Variants in ZNF565 observed in about 807,000 individuals in gnomAD.
ZNF565 encodes the protein zinc finger protein 565.
Under a neutral mutation model 39.4 loss-of-function variants are expected in ZNF565, and 27 were observed. That is an observed-to-expected ratio of 0.69 (90% confidence interval 0.51 to 0.95). ZNF565 has a LOEUF of 0.95. Ranked by LOEUF, ZNF565 falls within the 40% of genes least tolerant of loss-of-function variation. ZNF565 has a pLI of 0.00. For synonymous variants in ZNF565, 185 were observed against 216.6 expected, an observed-to-expected ratio of 0.85 and a Z score of 1.28; for missense variants, 524 against 621.1, an observed-to-expected ratio of 0.84 and a Z score of 1.66.
At chr19:36,211,264 G>A (rs1248729790) in intron 1 of ZNF565, among the ~76,000 whole-genome samples, 1 of 151,568 alleles carries the variant, frequency 6.6e-6, no homozygotes, top group East Asian at 2.0e-4. Flanking sequence ...CCAACATGGT[G>A]AAATCCCATC....
At chr19:36,225,470 T>C (rs1356783703) in intron 1 of ZNF565, among the ~76,000 whole-genome samples, 1 of 152,166 alleles carries the variant, frequency 6.6e-6, no homozygotes, top group African/African-American at 2.4e-5. Flanking sequence ...AAGTTCATTT[T>C]GTTATGTTTC....
chr19:36,211,364 AT>A (rs1323737309), intron 1 of ZNF565, among the ~76,000 whole-genome samples: 2 of 151,282 alleles, frequency 1.3e-5, no homozygotes, highest in South Asian at 2.1e-4. Context: ...AATCGCTTGA[AT>A]CCAGGAGGCA....
intron 2 of ZNF565, among the ~76,000 whole-genome samples, chr19:36,196,736 G>A (rs62113108): frequency 6.6e-6 from 1 of 152,204 alleles, no homozygotes; most frequent in South Asian, 2.1e-4. Context: ...CACTTTGGGA[G>A]GCTGAGACGG....
chr19:36,221,382 G>A (rs948134089), intron 1 of ZNF565, among the ~76,000 whole-genome samples: 2 of 138,828 alleles, frequency 1.4e-5, no homozygotes, highest in Non-Finnish European at 3.0e-5. Flanking sequence ...TCCGCCTCCC[G>A]GGTTCACGCC....
intron 4 of ZNF565, among the ~76,000 whole-genome samples, chr19:36,186,842 T>C (rs1179184260): frequency 6.6e-6 from 1 of 151,644 alleles, no homozygotes; most frequent in East Asian, 1.9e-4. Context: ...AAAATCTAGG[T>C]GCACAGTAGT....
intron 1 of ZNF565, among the ~76,000 whole-genome samples, chr19:36,234,345 CAG>C (rs1424129377): frequency 2.1e-5 from 3 of 140,656 alleles, no homozygotes; most frequent in Non-Finnish European, 1.5e-5. Flanking sequence ...GCCTGGGCGA[CAG>C]AGCAAGACTG....
chr19:36,230,169 CAGGGTCAA>C (rs1333826589), intron 1 of ZNF565, among the ~76,000 whole-genome samples: 3 of 152,128 alleles, frequency 2.0e-5, no homozygotes, highest in African/African-American at 7.2e-5. Context: ...AAGTGGAATA[CAGGGTCAA>C]AGTTATGTTT....
chr19:36,183,686 T>C lies in ZNF565; in HGVS notation c.280A>G (p.Ile94Val), dbSNP rs1268585439. The change falls in exon 5 of 5, where the codon ATC (isoleucine) becomes GTC (valine). Residue 94 changes from isoleucine to valine, a missense_variant. Physicochemically the swap from Ile to Val is conservative, Grantham distance 29 (BLOSUM62 3). Transcript: ENST00000304116. ...EKFLQKDIFE[I>V]GAFNWEIMES... ...ATTATCTCCCAGTTGAATGCCCCGA[T>C]TTCAAAAATGTCTTTTTGTAGAAAT... 1 of 1,612,332 alleles carries C rather than the reference T, an allele frequency of 6.2e-7. No homozygotes were observed. Among genetic ancestry groups the C allele is most frequent in the Non-Finnish European group, 8.5e-7 (1 of 1,179,284 alleles).
At chr19:36,236,707 G>A (rs761846974) in intron 1 of ZNF565, 9 of 1,614,148 alleles carry the variant, frequency 5.6e-6, no homozygotes, top group Non-Finnish European at 6.8e-6. Context: ...ACCTCCTTAC[G>A]CACCAGAAAA....
chr19:36,182,498 G>T lies in ZNF565; in HGVS notation c.1468C>A (p.Leu490Ile), dbSNP rs1237210785. The change falls in exon 5 of 5, where the codon CTC (leucine) becomes ATC (isoleucine). Residue 490 changes from leucine (L) to isoleucine (I), a missense_variant. By Grantham distance (5) the Leu-to-Ile change is conservative. Coordinates refer to ENST00000304116, the MANE Select transcript of ZNF565 (RefSeq NM_152477.5). Reference sequence around the variant, plus strand: ...GTATGAATTCTGTAGTGTTCAATGAGTTGTGAGCCAAGAATAAATGCCTGC... The same window carrying T: ...GTATGAATTCTGTAGTGTTCAATGATTTGTGAGCCAAGAATAAATGCCTGC... ...CGQAFILGSQ[L>I]IEHYRIHTG The T allele has an allele frequency of 1.3e-6, 2 of 1,590,360 alleles. No homozygotes were observed. Among genetic ancestry groups the T allele is most frequent in the South Asian group, 2.3e-5 (2 of 85,820 alleles).
At chr19:36,235,381 G>A (rs376219524) in intron 1 of ZNF565, among the ~76,000 whole-genome samples, 11 of 152,084 alleles carry the variant, frequency 7.2e-5, no homozygotes, top group African/African-American at 2.2e-4. Flanking sequence ...TCAGCTTTGT[G>A]GACCCATGAA....
chr19:36,203,914 C>A (rs2145349538), intron 1 of ZNF565, among the ~76,000 whole-genome samples: 1 of 151,484 alleles, frequency 6.6e-6, no homozygotes, highest in Middle Eastern at 3.4e-3. Context: ...ATTAGAGGTC[C>A]AAGAAGCTTC....
At chr19:36,228,274 T>A (rs35774841) in intron 1 of ZNF565, among the ~76,000 whole-genome samples, 96,032 of 151,674 alleles carry the variant, frequency 0.63, 30,585 homozygotes, top group Middle Eastern at 0.71. Flanking sequence ...AACAACTTCT[T>A]CACATTGTGC....
At chr19:36,216,183 T>A (rs571629214), upstream of ZNF565, among the ~76,000 whole-genome samples, 66 of 152,202 alleles carry the variant, frequency 4.3e-4, no homozygotes, top group Non-Finnish European at 7.3e-4. Context: ...AAACTAATAT[T>A]TACAATAGCA....
chr19:36,212,601 G>A (rs559864466), intron 1 of ZNF565, among the ~76,000 whole-genome samples: 3 of 151,132 alleles, frequency 2.0e-5, no homozygotes, highest in African/African-American at 7.3e-5. Flanking sequence ...CAGCATGGGT[G>A]ACAGAGCAGG....
At chr19:36,236,876 C>T in intron 1 of ZNF565, 1 of 1,614,118 alleles carries the variant, frequency 6.2e-7, no homozygotes, top group Non-Finnish European at 8.5e-7. Flanking sequence ...CCTTACTGAG[C>T]ATGAGAAAAT....
chr19:36,224,062 C>T (rs1423755968), intron 1 of ZNF565, among the ~76,000 whole-genome samples: 1 of 152,102 alleles, frequency 6.6e-6, no homozygotes, highest in African/African-American at 2.4e-5. Context: ...CAATTGGCTA[C>T]CACGTTCTTT....
At chr19:36,191,009 A>C (rs11084852) in intron 4 of ZNF565, among the ~76,000 whole-genome samples, 32,421 of 147,400 alleles carry the variant, frequency 0.22, 3,845 homozygotes, top group East Asian at 0.38. Context: ...AAAAAAAAAA[A>C]ACACATAAAA....
At chr19:36,244,955 G>A (rs2029882940) in intron 1 of ZNF565, among the ~76,000 whole-genome samples, 1 of 152,090 alleles carries the variant, frequency 6.6e-6, no homozygotes, top group Non-Finnish European at 1.5e-5. Flanking sequence ...CTTGTTGACG[G>A]TCAGTTTTGG....
Sources: gnomAD v4.1 joint callset for allele counts (sites outside exome capture counted in the v4.1 genomes callset) on GRCh38, gnomAD v4.1.1 for gene constraint, MANE v1.5 for transcripts, NCBI Gene and HGNC (gene_info 2026-07-23, HGNC 2026-07-21) for gene names.